The following FAM171A1 variants were observed in gnomAD, a reference collection of about 807,000 sequenced individuals.
The protein encoded by FAM171A1 is family with sequence similarity 171 member A1, also known as protein FAM171A1.
Under a neutral mutation model 74.9 loss-of-function variants are expected in FAM171A1, and 23 were observed. The ratio of observed to expected loss-of-function variants is 0.31; its 90% CI spans 0.22 to 0.44. The LOEUF (loss-of-function observed/expected upper bound fraction) is 0.44. Ranked by LOEUF, FAM171A1 falls within the 20% of genes least tolerant of loss-of-function variation. FAM171A1 has a pLI of 1.00. For synonymous variants in FAM171A1, 527 were observed against 505.7 expected, an observed-to-expected ratio of 1.04 and a Z score of -0.57; for missense variants, 1,162 against 1,159.2, an observed-to-expected ratio of 1.00 and a Z score of -0.03.
At chr10:15,323,469 C>T (rs900184518) in intron 1 of FAM171A1, among the ~76,000 whole-genome samples, 3 of 152,024 alleles carry the variant, frequency 2.0e-5, no homozygotes, top group Admixed American at 2.0e-4. Context: ...TAAATACATA[C>T]ATAAATAAAA....
At chr10:15,341,631 G>A (rs1180159956) in intron 1 of FAM171A1, among the ~76,000 whole-genome samples, 2 of 152,180 alleles carry the variant, frequency 1.3e-5, no homozygotes, top group Admixed American at 6.5e-5. Context: ...CAGGAAGAAA[G>A]TATCAGAGAG....
intron 1 of FAM171A1, among the ~76,000 whole-genome samples, chr10:15,330,701 T>C (rs1318902808): frequency 1.5e-5 from 2 of 131,358 alleles, no homozygotes; most frequent in Non-Finnish European, 3.1e-5. Context: ...AGCATATTTT[T>C]TTCTTCTTCT....
intron 1 of FAM171A1, among the ~76,000 whole-genome samples, chr10:15,323,211 T>A (rs369034909): frequency 1.5e-4 from 23 of 150,644 alleles, no homozygotes; most frequent in African/African-American, 5.6e-4. Context: ...TCCCAGCACT[T>A]TGGGAGGTTG....
chr10:15,212,626 G>A lies in FAM171A1; in HGVS notation c.*289C>T. The A allele has an allele frequency of 4.4e-6, 2 of 451,780 alleles. No homozygotes were observed. The highest frequency in any genetic ancestry group is 2.6e-5 in the South Asian group (1 of 38,628). 28.0% of individuals were successfully genotyped at this position (451,780 alleles called of 1,614,324 possible). A position where few individuals can be genotyped will look rare whatever the true frequency, so the allele number is the denominator to read the frequency against. On this transcript the variant is annotated 3_prime_UTR_variant, in exon 8 of 8. Coordinates refer to ENST00000378116, the MANE Select transcript of FAM171A1 (RefSeq NM_001010924.2). ...GTTAGAGCATAGCGACATCACGTGC[G>A]GTTTCTTAATGTCCCTGGTGGCGGA...
chr10:15,346,053 TGAAG>T (rs1835814295), intron 1 of FAM171A1, among the ~76,000 whole-genome samples: 1 of 152,140 alleles, frequency 6.6e-6, no homozygotes, highest in South Asian at 2.1e-4. Flanking sequence ...ATGAATGGAA[TGAAG>T]GAACAGGTGG....
At chr10:15,291,057 C>T (rs944701828) in intron 1 of FAM171A1, among the ~76,000 whole-genome samples, 1 of 152,124 alleles carries the variant, frequency 6.6e-6, no homozygotes, top group African/African-American at 2.4e-5. Flanking sequence ...GCCCTGTTGC[C>T]CAGGCTGGTC....
Position 15,224,001 on chromosome 10 carries a change from T to TC in FAM171A1, c.755-2942dup, listed in dbSNP as rs1400424561. Among the ~76,000 whole-genome samples, 5 of 152,150 alleles carry TC rather than the reference T, an allele frequency of 3.3e-5. No individual in the cohort carries two copies. The East Asian group carries it at 9.7e-4, about 29-fold the overall frequency. ...ATATAGACCCCACCAGACTAATGAG[T>TC]CCCCAAGTTCACTCTGGAGGGCCTG... On this transcript the variant is annotated intron_variant, in intron 5 of 7. Coordinates refer to ENST00000378116, the MANE Select transcript of FAM171A1 (RefSeq NM_001010924.2).
At chr10:15,369,396 G>T (rs896133780) in intron 1 of FAM171A1, among the ~76,000 whole-genome samples, 3 of 152,136 alleles carry the variant, frequency 2.0e-5, no homozygotes, top group Non-Finnish European at 4.4e-5. Context: ...CAAAAAAGCA[G>T]TAGGGTATTA....
At chr10:15,374,541 C>T (rs1836181840), upstream of FAM171A1, among the ~76,000 whole-genome samples, 1 of 152,212 alleles carries the variant, frequency 6.6e-6, no homozygotes, top group Non-Finnish European at 1.5e-5. Context: ...TCATCAGACA[C>T]CCACTCAGTA....
intron 6 of FAM171A1, 140 bp downstream of exon 6, chr10:15,220,804 A>G: frequency 1.5e-6 from 1 of 667,456 alleles, no homozygotes; most frequent in Non-Finnish European, 2.6e-6. Context: ...TCTTTACATC[A>G]TCTCATTTTC....
Position 15,267,824 on chromosome 10 carries a change from C to T in FAM171A1, c.418+8031G>A, listed in dbSNP as rs140140914. Among the ~76,000 whole-genome samples the T allele has an allele frequency of 4.8e-3, 730 of 152,086 alleles. 6 individuals are homozygous for T. The highest frequency in any genetic ancestry group is 0.011 in the African/African-American group (444 of 41,494). The stretch of plus-strand genomic sequence containing the variant: ...GAGCGGTGAGGAGGCTGGACAGCCA[C>T]GACGGACGAAGTGTGGTGTCACTGC... On this transcript the variant is annotated intron_variant, in intron 3 of 7. Transcript: ENST00000378116.
chr10:15,216,565 G>T (rs1242976562), intron 6 of FAM171A1, among the ~76,000 whole-genome samples: 1 of 152,014 alleles, frequency 6.6e-6, no homozygotes, highest in Non-Finnish European at 1.5e-5. Flanking sequence ...AGCATAGCTG[G>T]GACTACAGGC....
At chr10:15,352,168 G>A (rs562812376) in intron 1 of FAM171A1, among the ~76,000 whole-genome samples, 70 of 152,118 alleles carry the variant, frequency 4.6e-4, no homozygotes, top group African/African-American at 1.6e-3. Flanking sequence ...GAACCTGGGA[G>A]GTGGAGGTTG....
rs1010549196 is a variant in FAM171A1 at position 15,368,506 on chromosome 10, A to T, written c.97+2450T>A. On this transcript the variant is annotated intron_variant, in intron 1 of 7. Transcript: ENST00000378116. Reference sequence around the variant, plus strand: ...TGCTTGTTCAAAGAATGATTCAAACAACAGATTCTACATAAAAGCAAGATT... The same window carrying T: ...TGCTTGTTCAAAGAATGATTCAAACTACAGATTCTACATAAAAGCAAGATT... 3.9e-5 allele frequency among the ~76,000 whole-genome samples: 6 copies of T among 152,244 alleles called. No individual in the cohort carries two copies. The East Asian group carries it at 1.2e-3, about 29-fold the overall frequency.
chr10:15,273,216 G>A (rs7913439), intron 3 of FAM171A1, among the ~76,000 whole-genome samples: 63,141 of 151,900 alleles, frequency 0.42, 14,041 homozygotes, highest in African/African-American at 0.57. Context: ...AGGTATCACC[G>A]CCAATTCCAC....
chr10:15,330,852 G>A (rs1260504915), intron 1 of FAM171A1, among the ~76,000 whole-genome samples: 10 of 150,852 alleles, frequency 6.6e-5, no homozygotes. Context: ...CGAGTAGCTG[G>A]GATTAAAGTC....
chr10:15,216,292 A>G (rs965129165), intron 6 of FAM171A1, among the ~76,000 whole-genome samples, 182 bp from the exon 7 acceptor site: 1 of 152,228 alleles, frequency 6.6e-6, no homozygotes, highest in African/African-American at 2.4e-5. Flanking sequence ...AGTGATTAGC[A>G]TGACTATTAT....
At chr10:15,242,795 A>G (rs1412989071) in intron 5 of FAM171A1, among the ~76,000 whole-genome samples, 2 of 152,192 alleles carry the variant, frequency 1.3e-5, no homozygotes, top group African/African-American at 4.8e-5. Flanking sequence ...CGTCTCAAAA[A>G]AAAAAGGAAG....
intron 2 of FAM171A1, among the ~76,000 whole-genome samples, chr10:15,277,337 C>T (rs1021811805): frequency 6.6e-6 from 1 of 152,134 alleles, no homozygotes; most frequent in South Asian, 2.1e-4. Context: ...CCTGCCTCAG[C>T]CTCCCGAATA....
Sources: gnomAD v4.1 joint callset for allele counts (sites outside exome capture counted in the v4.1 genomes callset) on GRCh38, gnomAD v4.1.1 for gene constraint, MANE v1.5 for transcripts, NCBI Gene and HGNC (gene_info 2026-07-23, HGNC 2026-07-21) for gene names.